TMEM132C: variants seen among roughly 807,000 people sequenced by gnomAD.
TMEM132C encodes transmembrane protein 132C.
Under a neutral mutation model 61.4 loss-of-function variants are expected in TMEM132C, and 29 were observed. The observed-to-expected ratio is 0.47, with a 90% confidence interval of 0.35 to 0.64. The LOEUF is 0.64. Ranked by LOEUF, TMEM132C falls within the 30% of genes least tolerant of loss-of-function variation. The probability of loss-of-function intolerance (pLI) is 0.00; values close to 1 mark genes in which losing one functional copy is unlikely to be tolerated. For missense variants in TMEM132C, 1,408 were observed against 1,476.9 expected (o/e 0.95, Z 0.76); for synonymous variants, 656 against 633.1 (o/e 1.04, Z -0.54).
At chr12:128,436,022 A>G (rs1210276190) in intron 2 of TMEM132C, among the ~76,000 whole-genome samples, 1 of 152,194 alleles carries the variant, frequency 6.6e-6, no homozygotes, top group Non-Finnish European at 1.5e-5. Context: ...GATCTTTGAC[A>G]AACCTGACAA....
At chr12:128,314,599 A>C (rs1432845964) in intron 1 of TMEM132C, among the ~76,000 whole-genome samples, 1 of 152,146 alleles carries the variant, frequency 6.6e-6, no homozygotes, top group East Asian at 1.9e-4. Context: ...GACATACTGG[A>C]TTCAGGTGGG....
rs891121001 is a variant in TMEM132C, at chr12:128,705,752, C to T, written c.2784C>T (p.Tyr928=). The T allele has an allele frequency of 4.6e-5, 71 of 1,551,370 alleles. No homozygotes were observed. Among genetic ancestry groups the T allele is most frequent in the African/African-American group, 5.5e-5 (4 of 73,044 alleles). ...TGAGTGATCTGGAGATAGGGATGTACGCCCTCCTGGGGGTGTTCTGCCTGG... is the reference window on the plus strand; with the variant it reads ...TGAGTGATCTGGAGATAGGGATGTATGCCCTCCTGGGGGTGTTCTGCCTGG... ...RGLSDLEIGM[Y]ALLGVFCLAI... The change falls in exon 9 of 9, where the codon TAC becomes TAT. Residue 928 remains tyrosine, a synonymous_variant. Transcript: ENST00000435159.
chr12:128,283,393 G>T (rs1870957891), intron 1 of TMEM132C, among the ~76,000 whole-genome samples: 1 of 152,164 alleles, frequency 6.6e-6, no homozygotes, highest in Admixed American at 6.5e-5. Flanking sequence ...TCCTGGCTCT[G>T]CATGTGCTCA....
At chr12:128,379,263 G>T (rs1368928965) in intron 1 of TMEM132C, among the ~76,000 whole-genome samples, 1 of 152,194 alleles carries the variant, frequency 6.6e-6, no homozygotes, top group African/African-American at 2.4e-5. Flanking sequence ...GTGAGAAAAA[G>T]ATATTGATTT....
intron 4 of TMEM132C, among the ~76,000 whole-genome samples, chr12:128,654,979 G>T (rs2135614744): frequency 6.6e-6 from 1 of 152,300 alleles, no homozygotes; most frequent in Non-Finnish European, 1.5e-5. Context: ...GGGTCTCCCT[G>T]CTCCTACCGA....
At chr12:128,588,901 G>T (rs1875647590) in intron 3 of TMEM132C, among the ~76,000 whole-genome samples, 3 of 152,180 alleles carry the variant, frequency 2.0e-5, no homozygotes, top group Admixed American at 6.5e-5. Flanking sequence ...GATACCTGGT[G>T]TAAGAAGAGA....
At position 128,456,810 on chromosome 12, in the gene TMEM132C, G is replaced by C. The variant is rs534526264; in HGVS notation, c.974+41190G>C. 3.9e-5 allele frequency among the ~76,000 whole-genome samples: 6 copies of C among 152,266 alleles called. No individual in the cohort carries two copies. In the South Asian group the frequency reaches 1.2e-3, roughly 32 times the overall value. On this transcript the variant is annotated intron_variant, in intron 2 of 8. Coordinates refer to ENST00000435159, the MANE Select transcript of TMEM132C (RefSeq NM_001136103.3). ...GTAAATCCCTCCATGTTCCCTGCCA[G>C]ATAACCCCATCTGCTCCATGCCGAA...
At chr12:128,276,413 T>C (rs112043127) in intron 1 of TMEM132C, among the ~76,000 whole-genome samples, 260 of 152,308 alleles carry the variant, frequency 1.7e-3, no homozygotes, top group African/African-American at 6.0e-3. Context: ...GAGGTGTTTG[T>C]TTATTGTAGA....
intron 8 of TMEM132C, among the ~76,000 whole-genome samples, chr12:128,700,854 A>G (rs931608504): frequency 1.1e-4 from 16 of 152,230 alleles, no homozygotes; most frequent in Admixed American, 1.0e-3. Context: ...TCGCTGAGCC[A>G]TCTCTTCTGT....
rs187006678 is a variant in TMEM132C, at chr12:128,628,433, G to A, written c.1305+12098G>A. On this transcript the variant is annotated intron_variant, in intron 4 of 8. Transcript: ENST00000435159. ...CATTCCAAACTGTGTTCTTCCTCCT[G>A]CTGTTCAGGTCTGTGCTTACATCTT... Among the ~76,000 whole-genome samples, 287 of 152,238 alleles carry A rather than the reference G, an allele frequency of 1.9e-3. 1 individual carries two copies. Among genetic ancestry groups the A allele is most frequent in the Non-Finnish European group, 2.7e-3 (181 of 68,020 alleles).
chr12:128,619,868 G>T (rs1451036875), intron 4 of TMEM132C, among the ~76,000 whole-genome samples: 1 of 152,222 alleles, frequency 6.6e-6, no homozygotes, highest in African/African-American at 2.4e-5. Context: ...CATGAGCAGA[G>T]ACCAGGCACA....
rs534559939 is a variant in TMEM132C, at chr12:128,492,287, T to C, written c.975-51670T>C. On this transcript the variant is annotated intron_variant, in intron 2 of 8. Transcript: ENST00000435159. Reference sequence around the variant, plus strand: ...TGGGTTGGTTCCAAGTCTTTGCTATTGTGAATAGTGCCACAATAAACATAC... The same window carrying C: ...TGGGTTGGTTCCAAGTCTTTGCTATCGTGAATAGTGCCACAATAAACATAC... Among the ~76,000 whole-genome samples the C allele has an allele frequency of 6.0e-4, 92 of 152,338 alleles. 1 individual carries two copies. The highest frequency in any genetic ancestry group is 2.0e-3 in the African/African-American group (85 of 41,572).
At chr12:128,447,342 G>A (rs1157982638) in intron 2 of TMEM132C, among the ~76,000 whole-genome samples, 1 of 152,150 alleles carries the variant, frequency 6.6e-6, no homozygotes, top group African/African-American at 2.4e-5. Context: ...TTATCAAGAC[G>A]TTATACAACA....
intron 1 of TMEM132C, among the ~76,000 whole-genome samples, chr12:128,383,581 C>T (rs1169729804): frequency 1.7e-4 from 26 of 152,276 alleles, no homozygotes; most frequent in Non-Finnish European, 7.3e-5. Flanking sequence ...TCCTAATCAT[C>T]TTATCATTCC....
intron 4 of TMEM132C, among the ~76,000 whole-genome samples, chr12:128,658,069 A>C (rs1236434683): frequency 7.2e-6 from 1 of 139,252 alleles, no homozygotes; most frequent in Non-Finnish European, 1.6e-5. Flanking sequence ...TGGAGGCCTC[A>C]AGGCAGGAGC....
chr12:128,686,058 T>TGTGCATGC (rs1566014916), intron 5 of TMEM132C, among the ~76,000 whole-genome samples: 2 of 127,216 alleles, frequency 1.6e-5, no homozygotes, highest in African/African-American at 6.1e-5. Context: ...TGTGCATGTG[T>TGTGCATGC]GTGTGTGCAT....
intron 1 of TMEM132C, among the ~76,000 whole-genome samples, chr12:128,366,055 C>T (rs1229445897): frequency 2.0e-5 from 3 of 152,210 alleles, no homozygotes; most frequent in Admixed American, 6.5e-5. Flanking sequence ...GATGGTGTTT[C>T]GGAAGGCGCT....
chr12:128,639,962 G>T (rs531092840), intron 4 of TMEM132C, among the ~76,000 whole-genome samples: 1 of 152,292 alleles, frequency 6.6e-6, no homozygotes, highest in South Asian at 2.1e-4. Flanking sequence ...CATACTTATT[G>T]TTTGGGAGAT....
At chr12:128,549,016 C>A (rs2136153521) in intron 3 of TMEM132C, among the ~76,000 whole-genome samples, 1 of 152,246 alleles carries the variant, frequency 6.6e-6, no homozygotes, top group South Asian at 2.1e-4. Flanking sequence ...CCTTGGGTAA[C>A]AAGGGGAAAC....
Sources: gnomAD v4.1 joint callset for allele counts (sites outside exome capture counted in the v4.1 genomes callset) on GRCh38, gnomAD v4.1.1 for gene constraint, MANE v1.5 for transcripts, NCBI Gene and HGNC (gene_info 2026-07-23, HGNC 2026-07-21) for gene names.